Variants in SLC25A33 observed in about 807,000 individuals in gnomAD.
SLC25A33 encodes bone marrow stromal cell mitochondrial carrier protein.
Under a neutral mutation model 35.5 loss-of-function variants are expected in SLC25A33, and 15 were observed. That is an observed-to-expected ratio of 0.42 (90% CI 0.28 to 0.65). SLC25A33 has a LOEUF of 0.65. SLC25A33 is among the 30% of genes least tolerant of loss of function. SLC25A33 has a pLI of 0.20. For missense variants in SLC25A33, 257 were observed against 398.5 expected (o/e 0.64, Z 3.02); for synonymous variants, 136 against 148.7 (o/e 0.91, Z 0.62).
intron 1 of SLC25A33, among the ~76,000 whole-genome samples, chr1:9,552,489 C>T (rs1215155041): frequency 6.6e-6 from 1 of 152,102 alleles, no homozygotes; most frequent in Non-Finnish European, 1.5e-5. Context: ...GCCTCAGCCT[C>T]CCAGAGTGGT....
intron 2 of SLC25A33, among the ~76,000 whole-genome samples, chr1:9,557,080 T>C (rs1474680071): frequency 1.3e-5 from 2 of 152,244 alleles, no homozygotes; most frequent in Admixed American, 6.5e-5. Context: ...ATTACAGGAA[T>C]GTGCTACCAC....
chr1:9,582,715 TAAG>T lies in SLC25A33; in HGVS notation c.*216_*218del, dbSNP rs1352903032. The T allele has an allele frequency of 4.0e-5, 22 of 554,240 alleles. No homozygotes were observed. Among genetic ancestry groups the T allele is most frequent in the South Asian group, 1.7e-4 (7 of 42,050 alleles). The allele number at this position is 554,240 out of a possible 1,614,324, so 34.3% of individuals were successfully genotyped here. ...GTTAATTATAACTTTTTTTTTAACTTAAGAGGATTCAGGGTTAAGCACCAACTA... is the reference window on the plus strand; with the variant it reads ...GTTAATTATAACTTTTTTTTTAACTTAGGATTCAGGGTTAAGCACCAACTA... On this transcript the variant is annotated 3_prime_UTR_variant, in exon 7 of 7. Coordinates refer to ENST00000302692, the MANE Select transcript of SLC25A33 (RefSeq NM_032315.3). The surrounding 1 kb of genome is among the most constrained non-coding windows in gnomAD (Gnocchi z 4.0).
chr1:9,573,374 T>G lies in SLC25A33; in HGVS notation c.444T>G (p.Pro148=). ...AAFITNSLMN[P]IWMVKTRMQL... ...TTATCACAAATTCCTTAATGAATCC[T>G]ATATGGATGGTTAAAACCCGAATGC... The change falls in exon 5 of 7, where the codon CCT becomes CCG. Residue 148 remains proline (P), a synonymous_variant. Transcript: ENST00000302692. The G allele has an allele frequency of 6.2e-7, 1 of 1,612,260 alleles. No individual in the cohort carries two copies. The highest frequency in any genetic ancestry group is 8.5e-7 in the Non-Finnish European group (1 of 1,178,870).
chr1:9,544,060 G>C (rs1643131678), intron 1 of SLC25A33, among the ~76,000 whole-genome samples: 1 of 151,936 alleles, frequency 6.6e-6, no homozygotes, highest in Admixed American at 6.6e-5. Flanking sequence ...AGCTGAGATT[G>C]CTCCACTGCA....
intron 1 of SLC25A33, among the ~76,000 whole-genome samples, chr1:9,548,031 C>T (rs534897774): frequency 4.6e-5 from 7 of 151,976 alleles, no homozygotes; most frequent in African/African-American, 7.2e-5. Context: ...CGCACCACCA[C>T]GCCTGGCTAA....
chr1:9,562,336 A>G (rs1211698249), intron 2 of SLC25A33, among the ~76,000 whole-genome samples: 1 of 146,858 alleles, frequency 6.8e-6, no homozygotes, highest in African/African-American at 2.7e-5. Flanking sequence ...TGACAGAGCA[A>G]GACTCCATCT....
Position 9,563,362 on chromosome 1 carries a change from C to T in SLC25A33, c.237-3922C>T, listed in dbSNP as rs1643454033. ...ACAGATATTCTTTATTTTAAACATCCAAAAATTAGGAGAAGAGAAGCTAAG... is the reference window on the plus strand; with the variant it reads ...ACAGATATTCTTTATTTTAAACATCTAAAAATTAGGAGAAGAGAAGCTAAG... On this transcript the variant is annotated intron_variant, in intron 2 of 6. Transcript: ENST00000302692. Among the ~76,000 whole-genome samples the T allele has an allele frequency of 2.0e-5, 3 of 152,200 alleles. No individual in the cohort carries two copies. In the South Asian group the frequency reaches 6.2e-4, roughly 32 times the overall value.
intron 3 of SLC25A33, among the ~76,000 whole-genome samples, chr1:9,568,072 A>T (rs1451092387): frequency 6.6e-6 from 1 of 152,222 alleles, no homozygotes; most frequent in Non-Finnish European, 1.5e-5. Context: ...GATAGATAGG[A>T]TAGAGAGGAT....
At chr1:9,559,321 C>G (rs527251074) in intron 2 of SLC25A33, among the ~76,000 whole-genome samples, 1 of 152,148 alleles carries the variant, frequency 6.6e-6, no homozygotes, top group East Asian at 1.9e-4. Flanking sequence ...GAAATCGTCC[C>G]CAAGCATCGA....
At chr1:9,573,445 G>A in intron 5 of SLC25A33, 33 bp downstream of exon 5, 1 of 1,568,532 alleles carries the variant, frequency 6.4e-7, no homozygotes, top group Non-Finnish European at 8.7e-7. Flanking sequence ...CTTAATGAAA[G>A]GATTTTTGGG....
chr1:9,560,057 AC>A (rs755495388), intron 2 of SLC25A33, among the ~76,000 whole-genome samples: 5 of 151,972 alleles, frequency 3.3e-5, no homozygotes, highest in Non-Finnish European at 7.4e-5. Context: ...TTAGAGACCA[AC>A]CTGGCCAACA....
rs1484113736 is a variant in SLC25A33, at chr1:9,583,471, G to C, written c.*970G>C. 1 of 152,118 alleles carries C rather than the reference G, an allele frequency of 6.6e-6. No homozygotes were observed. The highest frequency in any genetic ancestry group is 1.5e-5 in the Non-Finnish European group (1 of 68,030). 9.4% of individuals were successfully genotyped at this position (152,118 alleles called of 1,614,324 possible). On this transcript the variant is annotated 3_prime_UTR_variant, in exon 7 of 7. Coordinates refer to ENST00000302692, the MANE Select transcript of SLC25A33 (RefSeq NM_032315.3). ...AAAGAACTGTTTTATCAATGGCCTG[G>C]CTCCTGGATATAGTTCCGGAAGTTA...
Position 9,578,267 on chromosome 1 carries a change from A to C in SLC25A33, c.483-1687A>C, listed in dbSNP as rs916478727. On this transcript the variant is annotated intron_variant, in intron 5 of 6. Transcript: ENST00000302692. This position sits in a 1 kb window ranked among gnomAD's most constrained non-coding sequence, Gnocchi z 4.3. ...TTGCATGGTTGGATTTGTGTTAGAA[A>C]GGTCACTGCCGCTAAGGAGCGGGAA... is the stretch of plus-strand genomic sequence containing the variant. Among the ~76,000 whole-genome samples, 1 of 152,144 alleles carries C rather than the reference A, an allele frequency of 6.6e-6. No individual in the cohort carries two copies. The highest frequency in any genetic ancestry group is 1.5e-5 in the Non-Finnish European group (1 of 68,012).
chr1:9,556,908 C>T (rs1643352389), intron 2 of SLC25A33, among the ~76,000 whole-genome samples: 1 of 152,172 alleles, frequency 6.6e-6, no homozygotes, highest in African/African-American at 2.4e-5. Flanking sequence ...AATGAGCCAT[C>T]ACTTATATAT....
chr1:9,550,011 A>ATATATATATATATTTTTT (rs754618497), intron 1 of SLC25A33, among the ~76,000 whole-genome samples: 1 of 48,866 alleles, frequency 2.0e-5, no homozygotes, highest in African/African-American at 7.8e-5. Flanking sequence ...ATATATATAT[A>ATATATATATATATTTTTT]TTTTTTTTTT....
At position 9,546,916 on chromosome 1, in the gene SLC25A33, C is replaced by G. The variant is rs572473551; in HGVS notation, c.57-6710C>G. Among the ~76,000 whole-genome samples, 6 of 152,320 alleles carry G rather than the reference C, an allele frequency of 3.9e-5. No homozygotes were observed. The East Asian group carries it at 1.2e-3, about 29-fold the overall frequency. On this transcript the variant is annotated intron_variant, in intron 1 of 6. Transcript: ENST00000302692. ...TGCATAGCCACAGAAGGGCTTCCAG[C>G]AGCAGCTCCTGGTATTTCTCCCACC... is the stretch of plus-strand genomic sequence containing the variant.
intron 2 of SLC25A33, among the ~76,000 whole-genome samples, chr1:9,559,015 T>C (rs540731158): frequency 1.3e-5 from 2 of 152,342 alleles, no homozygotes; most frequent in African/African-American, 4.8e-5. Flanking sequence ...GCCTCCTTTT[T>C]GTTCCTTTAA....
At chr1:9,571,773 G>A (rs1039811139) in intron 4 of SLC25A33, among the ~76,000 whole-genome samples, 1 of 152,106 alleles carries the variant, frequency 6.6e-6, no homozygotes. Context: ...TGAGTAGCTG[G>A]AACTATAGCT....
chr1:9,565,556 G>A (rs931719773), intron 2 of SLC25A33, among the ~76,000 whole-genome samples: 1 of 150,594 alleles, frequency 6.6e-6, no homozygotes, highest in African/African-American at 2.4e-5. Flanking sequence ...TCTATTATGT[G>A]TATGTCATCA....
Sources: allele counts gnomAD v4.1 joint callset (sites outside exome capture counted in the v4.1 genomes callset), GRCh38; gene constraint gnomAD v4.1.1; non-coding constraint Gnocchi (gnomAD v3.1); transcripts MANE v1.5; gene names NCBI Gene and HGNC (gene_info 2026-07-23, HGNC 2026-07-21).